P3H1: variants seen among roughly 807,000 people sequenced by gnomAD.
P3H1 encodes the protein growth suppressor 1.
In P3H1, 69 loss-of-function variants were observed where a neutral mutation model predicts 84.0. The observed-to-expected ratio is 0.82, with a 90% CI of 0.68 to 1.00. The LOEUF (loss-of-function observed/expected upper bound fraction) is 1.00. Ranked by LOEUF, P3H1 falls within the 50% of genes least tolerant of loss-of-function variation. P3H1 has a pLI of 0.00. For missense variants in P3H1, 878 were observed against 962.8 expected (o/e 0.91, Z 1.17); for synonymous variants, 366 against 388.8 (o/e 0.94, Z 0.69).
At chr1:42,759,945 C>A (rs1443718673) in intron 2 of P3H1, 3 of 144,110 alleles carry the variant, frequency 2.1e-5, no homozygotes, top group African/African-American at 7.8e-5. Flanking sequence ...TTTTCTTGTA[C>A]TTTTCTTCCC....
intron 1 of P3H1, among the ~76,000 whole-genome samples, chr1:42,765,010 A>C (rs1652916246): frequency 6.6e-6 from 1 of 152,168 alleles, no homozygotes; most frequent in Admixed American, 6.6e-5. Context: ...ATCAAGTGCC[A>C]CCACTTTCTC....
Position 42,746,466 on chromosome 1 carries a change from G to C in P3H1, c.*231C>G, listed in dbSNP as rs938674212. 7 of 584,276 alleles carry C rather than the reference G, an allele frequency of 1.2e-5. No individual in the cohort carries two copies. Among genetic ancestry groups the C allele is most frequent in the South Asian group, 1.1e-4 (5 of 46,652 alleles). 36.2% of individuals were successfully genotyped at this position (584,276 alleles called of 1,614,324 possible). A position where few individuals can be genotyped will look rare whatever the true frequency, so the allele number is the denominator to read the frequency against. On this transcript the variant is annotated 3_prime_UTR_variant, in exon 15 of 15. Transcript: ENST00000296388. The stretch of plus-strand genomic sequence containing the variant: ...ATGCAGCGGCCTGTGGAGGCCCCTG[G>C]GGGTGGCTGGGCCTGTGTCCTGAGC...
intron 13 of P3H1, 125 bp downstream of exon 13, chr1:42,747,598 G>T: frequency 8.6e-7 from 1 of 1,159,798 alleles, no homozygotes; most frequent in Non-Finnish European, 1.3e-6. Context: ...AGCCCCTCTG[G>T]ATGGGGGAAG....
chr1:42,749,556 G>A (rs1385609491), intron 11 of P3H1, among the ~76,000 whole-genome samples: 1 of 152,210 alleles, frequency 6.6e-6, no homozygotes, highest in East Asian at 1.9e-4. Context: ...AAGAGAATCT[G>A]CCACATAGCT....
intron 1 of P3H1, among the ~76,000 whole-genome samples, chr1:42,765,828 C>G (rs1207820752): frequency 6.6e-6 from 1 of 151,986 alleles, no homozygotes; most frequent in African/African-American, 2.4e-5. Context: ...TAAATGCAAA[C>G]TGCTTAAAAT....
intron 1 of P3H1, among the ~76,000 whole-genome samples, chr1:42,764,563 T>C (rs1414213728): frequency 6.6e-6 from 1 of 152,044 alleles, no homozygotes; most frequent in Non-Finnish European, 1.5e-5. Flanking sequence ...TAATCTATCA[T>C]CTGGAGATAG....
chr1:42,752,307 C>T lies in P3H1; in HGVS notation c.1536G>A (p.Lys512=), dbSNP rs748571927. ...GQTSPHTPNE[K]FYGVTVFKAL... The stretch of plus-strand genomic sequence containing the variant: ...CTTTGAAGACAGTGACACCATAGAA[C>T]TTTTCATTGGGAGTATGTGGGGAGG... Residue 512 remains lysine (K), a synonymous_variant, in exon 10 of 15, where the codon AAG becomes AAA. Coordinates refer to ENST00000296388, the MANE Select transcript of P3H1 (RefSeq NM_022356.4). The T allele has an allele frequency of 1.2e-6, 2 of 1,614,106 alleles. No homozygotes were observed. The highest frequency in any genetic ancestry group is 2.2e-5 in the South Asian group (2 of 91,080).
chr1:42,748,438 G>T, intron 11 of P3H1, 121 bp from the exon 12 acceptor site: 1 of 809,842 alleles, frequency 1.2e-6, no homozygotes, highest in Non-Finnish European at 2.2e-6. Flanking sequence ...AATGAACTAG[G>T]GGGGTGTCTT....
intron 14 of P3H1, 107 bp from the exon 15 acceptor site, chr1:42,746,959 G>A (rs1470800439): frequency 2.5e-6 from 4 of 1,614,148 alleles, no homozygotes; most frequent in African/African-American, 1.3e-5. Context: ...AATGGCCCCA[G>A]GCTCATCTCC....
At position 42,759,270 on chromosome 1, in the gene P3H1, C is replaced by T. The variant is rs760265361; in HGVS notation, c.739G>A (p.Glu247Lys). 8.1e-6 allele frequency: 13 copies of T among 1,614,014 alleles called. No homozygotes were observed. Among genetic ancestry groups the T allele is most frequent in the East Asian group, 2.2e-5 (1 of 44,894 alleles). ...TAGCCATCGTAGTCATAGGGCCCTT[C>T]GCAGAGGGCACGGCACTCCTCATAG... Reference protein sequence around the residue: ...VAYEECRALCEGPYDYDGYNY... With the variant: ...VAYEECRALCKGPYDYDGYNY... The change falls in exon 3 of 15, where the codon GAA (glutamate) becomes AAA (lysine). Residue 247 changes from glutamate (E) to lysine (K), a missense_variant. By Grantham distance (56) the Glu-to-Lys change is moderately conservative. Transcript: ENST00000296388.
At chr1:42,760,047 C>A (rs533814334) in intron 2 of P3H1, 1 of 133,164 alleles carries the variant, frequency 7.5e-6, no homozygotes, top group East Asian at 2.3e-4. Context: ...TGCAATAGTG[C>A]GATCTTGGCT....
Position 42,747,423 on chromosome 1 carries a change from C to CA in P3H1, c.1915-12dup, listed in dbSNP as rs1430720158. The CA allele has an allele frequency of 1.9e-6, 3 of 1,608,182 alleles. No individual in the cohort carries two copies. Among genetic ancestry groups the CA allele is most frequent in the Non-Finnish European group, 1.7e-6 (2 of 1,177,094 alleles). On this transcript the variant is annotated splice_polypyrimidine_tract_variant and intron_variant, in intron 13 of 14. Transcript: ENST00000296388. ...AGGCTGCACCTCTGCCTAAGGGGGACAGAAAGGGAGGGGGGTTGCACAGGA... is the reference window on the plus strand; with the variant it reads ...AGGCTGCACCTCTGCCTAAGGGGGACAAGAAAGGGAGGGGGGTTGCACAGGA...
In P3H1 at chr1:42,755,650, A is replaced by C. The variant is rs747429632; in HGVS notation, c.1081-13T>G. On this transcript the variant is annotated splice_polypyrimidine_tract_variant and intron_variant, in intron 5 of 14. Transcript: ENST00000296388. Reference sequence around the variant, plus strand: ...ACTCCTTGGCACTCTGAGGGTAAAAAAGCAAACAAATCCCCCAGAACTCAG... The same window carrying C: ...ACTCCTTGGCACTCTGAGGGTAAAACAGCAAACAAATCCCCCAGAACTCAG... 2 of 1,604,096 alleles carry C rather than the reference A, an allele frequency of 1.2e-6. No homozygotes were observed. Among genetic ancestry groups the C allele is most frequent in the Non-Finnish European group, 1.7e-6 (2 of 1,171,030 alleles).
At chr1:42,746,878 CAG>C in intron 14 of P3H1, 26 bp from the exon 15 acceptor site, 1 of 1,614,182 alleles carries the variant, frequency 6.2e-7, no homozygotes, top group African/African-American at 1.3e-5. Context: ...CCTGCCCATT[CAG>C]AGAGGCCTCC....
At chr1:42,755,143 G>A in intron 7 of P3H1, 22 bp downstream of exon 7, 2 of 1,613,716 alleles carry the variant, frequency 1.2e-6, no homozygotes, top group Non-Finnish European at 1.7e-6. Context: ...ATCCAACCAT[G>A]CAGTTTCTTC....
At position 42,767,018 on chromosome 1, in the gene P3H1, C is replaced by G; in HGVS notation, c.-47G>C. ...ACCGCCAGCCACCCGCCACCAAGGCCGGAGTCCTACCCCCGGCGAAGGCCC... is the reference window on the plus strand; with the variant it reads ...ACCGCCAGCCACCCGCCACCAAGGCGGGAGTCCTACCCCCGGCGAAGGCCC... On this transcript the variant is annotated 5_prime_UTR_variant, in exon 1 of 15. Coordinates refer to ENST00000296388, the MANE Select transcript of P3H1 (RefSeq NM_022356.4). 2 of 1,588,504 alleles carry G rather than the reference C, an allele frequency of 1.3e-6. No individual in the cohort carries two copies. Among genetic ancestry groups the G allele is most frequent in the South Asian group, 1.1e-5 (1 of 89,432 alleles).
At chr1:42,765,443 C>T (rs1041594256) in intron 1 of P3H1, among the ~76,000 whole-genome samples, 14 of 152,202 alleles carry the variant, frequency 9.2e-5, no homozygotes, top group African/African-American at 3.4e-4. Context: ...AGACGTTAGT[C>T]GAGCATTTAA....
At chr1:42,752,045 TG>T (rs1323490949) in intron 10 of P3H1, among the ~76,000 whole-genome samples, 1 of 152,256 alleles carries the variant, frequency 6.6e-6, no homozygotes, top group Non-Finnish European at 1.5e-5. Flanking sequence ...CTCATAGCTT[TG>T]GCGAACAGTC....
At position 42,754,777 on chromosome 1, in the gene P3H1, A is replaced by G. The variant is rs746766495; in HGVS notation, c.1345+92T>C. On this transcript the variant is annotated intron_variant, in intron 8 of 14. Coordinates refer to ENST00000296388, the MANE Select transcript of P3H1 (RefSeq NM_022356.4). The surrounding 1 kb of genome is among the most constrained non-coding windows in gnomAD (Gnocchi z 4.0). ...GTGGCTGGCTCATGGTGAGCTCTGC[A>G]ATGCTGGGGTGGAGCGCTGCCTGGC... 174 of 1,563,472 alleles carry G rather than the reference A, an allele frequency of 1.1e-4. No homozygotes were observed. Among genetic ancestry groups the G allele is most frequent in the Non-Finnish European group, 1.4e-4 (164 of 1,137,022 alleles).
Sources: allele counts gnomAD v4.1 joint callset (sites outside exome capture counted in the v4.1 genomes callset), GRCh38; gene constraint gnomAD v4.1.1; non-coding constraint Gnocchi (gnomAD v3.1); transcripts MANE v1.5; gene names NCBI Gene and HGNC (gene_info 2026-07-23, HGNC 2026-07-21).